BBS9: variants seen among roughly 807,000 people sequenced by gnomAD.
BBS9 encodes the protein protein PTHB1.
Under a neutral mutation model 117.7 loss-of-function variants are expected in BBS9, and 89 were observed. That is an observed-to-expected ratio of 0.76 (90% CI 0.64 to 0.90). The LOEUF is 0.90. Among genes scored for constraint, BBS9 ranks in the 40% least tolerant of loss-of-function variants. The probability of loss-of-function intolerance (pLI) is 0.00; values close to 1 mark genes in which losing one functional copy is unlikely to be tolerated. For synonymous variants in BBS9, 379 were observed against 370.9 expected (o/e 1.02, Z -0.25); for missense variants, 982 against 1,042.2 (o/e 0.94, Z 0.80).
At chr7:33,378,481 T>C (rs544387711) in intron 17 of BBS9, among the ~76,000 whole-genome samples, 1 of 152,336 alleles carries the variant, frequency 6.6e-6, no homozygotes, top group South Asian at 2.1e-4. Context: ...TGTTACTTTA[T>C]CTTTAGAGAG....
intron 5 of BBS9, among the ~76,000 whole-genome samples, chr7:33,183,070 C>T (rs1239600611): frequency 6.6e-6 from 1 of 152,156 alleles, no homozygotes; most frequent in Non-Finnish European, 1.5e-5. Context: ...AAGTGTATTT[C>T]CTACCTAGTT....
At chr7:33,170,001 A>C (rs1208368312) in intron 4 of BBS9, among the ~76,000 whole-genome samples, 1 of 152,188 alleles carries the variant, frequency 6.6e-6, no homozygotes, top group Non-Finnish European at 1.5e-5. Flanking sequence ...AGGTGTAATC[A>C]CAGCCGAATT....
intron 9 of BBS9, among the ~76,000 whole-genome samples, chr7:33,334,539 T>G (rs1563016086): frequency 6.6e-6 from 1 of 152,128 alleles, no homozygotes; most frequent in African/African-American, 2.4e-5. Context: ...TGAAATGGGC[T>G]TGTCAGAGCT....
At chr7:33,315,017 G>A (rs1810174916) in intron 9 of BBS9, among the ~76,000 whole-genome samples, 1 of 152,160 alleles carries the variant, frequency 6.6e-6, no homozygotes, top group African/African-American at 2.4e-5. Context: ...GATTTATTTA[G>A]GTCATGATTC....
intron 9 of BBS9, among the ~76,000 whole-genome samples, chr7:33,291,837 A>G (rs1397574088): frequency 6.6e-6 from 1 of 152,134 alleles, no homozygotes; most frequent in Non-Finnish European, 1.5e-5. Context: ...ATGAATTTTA[A>G]TAGGTCTTAA....
chr7:33,280,917 T>TG (rs1279496776), intron 9 of BBS9, among the ~76,000 whole-genome samples: 2 of 146,834 alleles, frequency 1.4e-5, no homozygotes, highest in Non-Finnish European at 3.0e-5. Context: ...TTTTGTTTTT[T>TG]TTTTTTTTTT....
At chr7:33,425,432 G>C (rs1027229598) in intron 19 of BBS9, among the ~76,000 whole-genome samples, 8 of 152,162 alleles carry the variant, frequency 5.3e-5, no homozygotes, top group Non-Finnish European at 1.0e-4. Context: ...GTGGTTTGCT[G>C]CACTTATCAG....
At chr7:33,310,697 C>T (rs747591915) in intron 9 of BBS9, among the ~76,000 whole-genome samples, 9 of 152,168 alleles carry the variant, frequency 5.9e-5, no homozygotes, top group East Asian at 1.9e-4. Flanking sequence ...ATGTCATAAC[C>T]GGAGCAGGAA....
chr7:33,597,064 C>T (rs935568806), intron 21 of BBS9, among the ~76,000 whole-genome samples: 1 of 134,028 alleles, frequency 7.5e-6, no homozygotes, highest in Non-Finnish European at 1.5e-5. Flanking sequence ...CTCTCTCTCT[C>T]TCTGTCACAC....
chr7:33,388,217 G>A, intron 19 of BBS9, 73 bp downstream of exon 19: 1 of 1,519,240 alleles, frequency 6.6e-7, no homozygotes, highest in Non-Finnish European at 9.1e-7. Context: ...TCATGTACCA[G>A]AATATCCAAG....
At chr7:33,288,167 A>T (rs1803265570) in intron 9 of BBS9, among the ~76,000 whole-genome samples, 1 of 152,196 alleles carries the variant, frequency 6.6e-6, no homozygotes, top group South Asian at 2.1e-4. Flanking sequence ...TTATGCCGTT[A>T]TGCAACCCAG....
intron 21 of BBS9, among the ~76,000 whole-genome samples, chr7:33,612,046 A>G (rs1223680247): frequency 6.6e-6 from 1 of 151,242 alleles, no homozygotes; most frequent in Admixed American, 6.6e-5. Context: ...TCTCTCCCTT[A>G]TCTTCTATTG....
chr7:33,239,923 C>A (rs990833547), intron 5 of BBS9, among the ~76,000 whole-genome samples: 2 of 152,026 alleles, frequency 1.3e-5, no homozygotes, highest in Non-Finnish European at 2.9e-5. Context: ...GTAGGAGGAT[C>A]CCATGAGTCC....
At chr7:33,606,787 A>G (rs149181083), downstream of BBS9, among the ~76,000 whole-genome samples, 12 of 152,214 alleles carry the variant, frequency 7.9e-5, no homozygotes, top group African/African-American at 2.6e-4. Context: ...TCCTCTTGGA[A>G]TAAGTGGACA....
At chr7:33,628,450 C>A (rs1865743648) in intron 21 of BBS9, among the ~76,000 whole-genome samples, 1 of 152,172 alleles carries the variant, frequency 6.6e-6, no homozygotes, top group African/African-American at 2.4e-5. Flanking sequence ...GAGAAAAACA[C>A]TAAGATTATC....
intron 5 of BBS9, among the ~76,000 whole-genome samples, chr7:33,241,822 T>G (rs1794579983): frequency 6.6e-6 from 1 of 152,114 alleles, no homozygotes; most frequent in African/African-American, 2.4e-5. Flanking sequence ...TCTTAATCAT[T>G]TTTAATACCT....
intron 5 of BBS9, among the ~76,000 whole-genome samples, chr7:33,226,519 A>T (rs188746815): frequency 1.7e-4 from 26 of 152,310 alleles, no homozygotes; most frequent in Non-Finnish European, 3.7e-4. Flanking sequence ...AAAAATTATG[A>T]TCCAGCAACT....
chr7:33,540,090 C>T (rs1021352759), intron 21 of BBS9, among the ~76,000 whole-genome samples: 1 of 152,216 alleles, frequency 6.6e-6, no homozygotes, highest in South Asian at 2.1e-4. Context: ...GATCCACCCT[C>T]TTCCCCTCAA....
At chr7:33,549,108 T>C (rs1374069262) in intron 21 of BBS9, among the ~76,000 whole-genome samples, 1 of 148,324 alleles carries the variant, frequency 6.7e-6, no homozygotes, top group Non-Finnish European at 1.5e-5. Context: ...AACAGAGCCC[T>C]CAGAAATAAC....
Sources: gnomAD v4.1 joint callset for allele counts (sites outside exome capture counted in the v4.1 genomes callset) on GRCh38, gnomAD v4.1.1 for gene constraint, MANE v1.5 for transcripts, NCBI Gene and HGNC (gene_info 2026-07-23, HGNC 2026-07-21) for gene names.